Variants in PAQR5 observed in about 807,000 individuals in gnomAD.
PAQR5 encodes progestin and adipoQ receptor family member 5, also known as membrane progestin receptor gamma.
Under a neutral mutation model 34.5 loss-of-function variants are expected in PAQR5, and 20 were observed. The observed-to-expected ratio is 0.58, with a 90% confidence interval of 0.41 to 0.84. PAQR5 has a LOEUF of 0.84. Among genes scored for constraint, PAQR5 ranks in the 40% least tolerant of loss-of-function variants. The pLI is 0.00. For synonymous variants in PAQR5, 131 were observed against 155.6 expected, an observed-to-expected ratio of 0.84 and a Z score of 1.18; for missense variants, 378 against 412.7, an observed-to-expected ratio of 0.92 and a Z score of 0.73.
At chr15:69,325,733 A>T (rs1325538162) in intron 1 of PAQR5, among the ~76,000 whole-genome samples, 1 of 151,968 alleles carries the variant, frequency 6.6e-6, no homozygotes, top group Non-Finnish European at 1.5e-5. Flanking sequence ...GCTGCCTCTC[A>T]CCTGGCTGGT....
rs1375440547 is a variant in PAQR5 at position 69,405,586 on chromosome 15, A to G, written c.*1764A>G. 3 of 152,208 alleles carry G rather than the reference A, an allele frequency of 2.0e-5. No homozygotes were observed. Among genetic ancestry groups the G allele is most frequent in the African/African-American group, 7.2e-5 (3 of 41,460 alleles). The allele number at this position is 152,208 out of a possible 1,614,324, so 9.4% of individuals were successfully genotyped here. A position where few individuals can be genotyped will look rare whatever the true frequency, so the allele number is the denominator to read the frequency against. On this transcript the variant is annotated 3_prime_UTR_variant, in exon 9 of 9. Transcript: ENST00000395407. ...ACACCAACAGGGCTTGTGAGCTTCC[A>G]TTTCATCTTACTGTAACTTCAATTT... is the stretch of plus-strand genomic sequence containing the variant.
intron 1 of PAQR5, among the ~76,000 whole-genome samples, chr15:69,305,070 T>A (rs1373679203): frequency 1.3e-5 from 2 of 152,234 alleles, no homozygotes; most frequent in Non-Finnish European, 2.9e-5. Context: ...TGTCTCAACC[T>A]CAGCACTATT....
At chr15:69,391,404 C>A in intron 6 of PAQR5, 1 of 189,496 alleles carries the variant, frequency 5.3e-6, no homozygotes, top group Non-Finnish European at 1.1e-5. Flanking sequence ...CATTCACCTG[C>A]GCTAAGGTGG....
intron 6 of PAQR5, 31 bp downstream of exon 6, chr15:69,389,811 G>T (rs367775126): frequency 1.2e-6 from 2 of 1,612,226 alleles, no homozygotes; most frequent in Non-Finnish European, 1.7e-6. Context: ...AGATGGGAGG[G>T]GAGGGAGGGT....
chr15:69,328,440 C>T (rs11630341), intron 1 of PAQR5, among the ~76,000 whole-genome samples: 135,041 of 152,238 alleles, frequency 0.89, 61,432 homozygotes, highest in Non-Finnish European at 0.99. Flanking sequence ...CATTTCCCTA[C>T]AGCTAGAGGG....
intron 2 of PAQR5, among the ~76,000 whole-genome samples, chr15:69,353,335 A>G (rs1399362332): frequency 2.0e-5 from 3 of 152,252 alleles, no homozygotes; most frequent in African/African-American, 7.2e-5. Context: ...TCTCCCCTGA[A>G]TGTGATACTT....
chr15:69,362,534 A>G (rs1167961730), intron 3 of PAQR5, among the ~76,000 whole-genome samples: 1 of 152,200 alleles, frequency 6.6e-6, no homozygotes, highest in Non-Finnish European at 1.5e-5. Flanking sequence ...GTTAAAGCTT[A>G]CCTTTGGTGG....
chr15:69,318,284 G>A (rs1213893764), intron 1 of PAQR5, among the ~76,000 whole-genome samples: 2 of 152,232 alleles, frequency 1.3e-5, no homozygotes, highest in African/African-American at 4.8e-5. Context: ...AATGCATCTC[G>A]AAGCAGAGGG....
chr15:69,390,320 T>TTTTATTTATTTATTTA (rs201330461), intron 6 of PAQR5, among the ~76,000 whole-genome samples: 11 of 133,442 alleles, frequency 8.2e-5, no homozygotes, highest in African/African-American at 2.7e-4. Context: ...CTGACCTGTT[T>TTTTATTTATTTATTTA]TTTATTTATT....
Position 69,322,691 on chromosome 15 carries a change from GGAAGAAGAAGAAGAAGAA to G in PAQR5, c.-276-14587_-276-14570del, listed in dbSNP as rs780711031. On this transcript the variant is annotated intron_variant, in intron 1 of 8. Transcript: ENST00000395407. ...AAAAAAAAGAAGAAGAAGGAGAAGA[GGAAGAAGAAGAAGAAGAA>G]GAAGAAGAAGAAGAAGAAGAAGAAG... is the stretch of plus-strand genomic sequence containing the variant. 2.4e-3 allele frequency among the ~76,000 whole-genome samples: 61 copies of G among 25,466 alleles called. 4 individuals carry two copies. Among genetic ancestry groups the G allele is most frequent in the Middle Eastern group, 0.019 (1 of 54 alleles). The allele number at this position is 25,466 out of a possible 152,430, so 16.7% of individuals were successfully genotyped here.
intron 1 of PAQR5, among the ~76,000 whole-genome samples, chr15:69,305,059 G>A (rs1432822111): frequency 6.6e-6 from 1 of 152,136 alleles, no homozygotes; most frequent in Non-Finnish European, 1.5e-5. Context: ...ATTCATCATG[G>A]TGTCTCAACC....
At chr15:69,379,692 G>T in intron 3 of PAQR5, 191 bp from the exon 4 acceptor site, 4 of 802,028 alleles carry the variant, frequency 5.0e-6, no homozygotes, top group Non-Finnish European at 6.0e-6. Flanking sequence ...CTAGCTGGAG[G>T]CTTCTTGGAG....
intron 1 of PAQR5, among the ~76,000 whole-genome samples, chr15:69,320,940 G>A (rs930977500): frequency 6.6e-6 from 1 of 152,172 alleles, no homozygotes; most frequent in Non-Finnish European, 1.5e-5. Flanking sequence ...ATATTTGTGT[G>A]ATATCTTCGA....
At chr15:69,389,533 G>T (rs1266697903) in intron 5 of PAQR5, 121 bp from the exon 6 acceptor site, 1 of 1,274,348 alleles carries the variant, frequency 7.8e-7, no homozygotes, top group Non-Finnish European at 1.1e-6. Flanking sequence ...ACCAGCGAGG[G>T]CGCAGAGCCA....
At chr15:69,312,027 G>T (rs2053844616) in intron 1 of PAQR5, among the ~76,000 whole-genome samples, 1 of 152,162 alleles carries the variant, frequency 6.6e-6, no homozygotes, top group Non-Finnish European at 1.5e-5. Flanking sequence ...GGAGGAAGTG[G>T]GCTGGGGAGA....
intron 2 of PAQR5, among the ~76,000 whole-genome samples, chr15:69,343,598 C>G (rs900410293): frequency 3.9e-5 from 6 of 152,312 alleles, no homozygotes; most frequent in Non-Finnish European, 2.9e-5. Flanking sequence ...ATTGCTTATT[C>G]ACAATAACTG....
At chr15:69,338,762 C>G (rs1425125049) in intron 2 of PAQR5, among the ~76,000 whole-genome samples, 1 of 152,226 alleles carries the variant, frequency 6.6e-6, no homozygotes, top group East Asian at 1.9e-4. Context: ...TTGCTTCTAA[C>G]CTCCAAGCTG....
chr15:69,313,767 T>TG (rs534016873), intron 1 of PAQR5, among the ~76,000 whole-genome samples: 11 of 150,158 alleles, frequency 7.3e-5, no homozygotes, highest in African/African-American at 1.2e-4. Context: ...CACCCTGGGG[T>TG]GGGGGGGTGA....
At chr15:69,313,716 G>A (rs2053879531) in intron 1 of PAQR5, among the ~76,000 whole-genome samples, 1 of 152,156 alleles carries the variant, frequency 6.6e-6, no homozygotes, top group African/African-American at 2.4e-5. Context: ...AGAGGAGGTT[G>A]AGTGTCAGCC....
Sources: allele counts gnomAD v4.1 joint callset (sites outside exome capture counted in the v4.1 genomes callset), GRCh38; gene constraint gnomAD v4.1.1; transcripts MANE v1.5; gene names NCBI Gene and HGNC (gene_info 2026-07-23, HGNC 2026-07-21).